STK17A: variants seen among roughly 807,000 people sequenced by gnomAD.
The protein encoded by STK17A is serine/threonine kinase 17a, also known as serine/threonine-protein kinase 17A.
A neutral mutation model predicts 43.7 loss-of-function variants in STK17A; 26 were observed. The observed-to-expected ratio is 0.60, with a 90% CI of 0.44 to 0.83. The LOEUF is 0.83. Among genes scored for constraint, STK17A ranks in the 40% least tolerant of loss-of-function variants. The probability of loss-of-function intolerance (pLI) is 0.00; values close to 1 mark genes in which losing one functional copy is unlikely to be tolerated. For synonymous variants in STK17A, 191 were observed against 182.5 expected, an observed-to-expected ratio of 1.05 and a Z score of -0.38; for missense variants, 476 against 511.6, an observed-to-expected ratio of 0.93 and a Z score of 0.67.
chr7:43,611,859 T>C (rs1472430014), intron 3 of STK17A, among the ~76,000 whole-genome samples: 1 of 152,194 alleles, frequency 6.6e-6, no homozygotes, highest in African/African-American at 2.4e-5. Context: ...ATTGCACCTA[T>C]AGGAAATGAG....
At chr7:43,587,147 G>GTTTTTTTTTTTTTTTTTTTTTT (rs202031785) in intron 1 of STK17A, among the ~76,000 whole-genome samples, 3 of 113,450 alleles carry the variant, frequency 2.6e-5, no homozygotes. Flanking sequence ...TGTTTTTATT[G>GTTTTTTTTTTTTTTTTTTTTTT]TTTTTTGTTT....
At chr7:43,583,924 C>T (rs2152969968) in intron 1 of STK17A, among the ~76,000 whole-genome samples, 1 of 152,288 alleles carries the variant, frequency 6.6e-6, no homozygotes, top group Middle Eastern at 3.4e-3. Context: ...CACCGGCGCT[C>T]TGTTACCTTG....
rs1006539588 is a variant in STK17A, at chr7:43,624,746, G to A, written c.1149G>A (p.Gln383=). Residue 383 remains glutamine (Q), a synonymous_variant, in exon 7 of 7, where the codon CAG becomes CAA. Transcript: ENST00000319357. ...VTSYTLGQCR[Q]SEKEKMEQKA... ...CATATACTCTAGGACAATGCAGACA[G>A]TCTGAAAAAGAGAAAATGGAGCAAA... is the stretch of plus-strand genomic sequence containing the variant. The A allele has an allele frequency of 8.7e-6, 14 of 1,613,788 alleles. No individual in the cohort carries two copies. The highest frequency in any genetic ancestry group is 1.2e-5 in the Non-Finnish European group (14 of 1,179,838).
At chr7:43,622,448 T>C (rs373140245) in intron 4 of STK17A, 1 of 152,314 alleles carries the variant, frequency 6.6e-6, no homozygotes, top group East Asian at 1.9e-4. Context: ...TTCCTTTTTT[T>C]AATTGTAATT....
intron 1 of STK17A, among the ~76,000 whole-genome samples, chr7:43,588,330 T>A (rs998427650): frequency 1.3e-5 from 2 of 151,544 alleles, no homozygotes; most frequent in Non-Finnish European, 3.0e-5. Context: ...ATTTTACAGA[T>A]GAGGAATCCC....
At chr7:43,602,833 G>C (rs1342607159) in intron 2 of STK17A, among the ~76,000 whole-genome samples, 2 of 152,122 alleles carry the variant, frequency 1.3e-5, no homozygotes, top group African/African-American at 2.4e-5. Context: ...AGCTCCAGCT[G>C]CCTGTTGCGT....
At chr7:43,607,802 CTG>C (rs1219706544) in intron 2 of STK17A, among the ~76,000 whole-genome samples, 2 of 152,124 alleles carry the variant, frequency 1.3e-5, no homozygotes, top group Non-Finnish European at 2.9e-5. Flanking sequence ...GATTAAGAAA[CTG>C]TTTCAGCCAA....
At chr7:43,594,199 A>G (rs1167386806) in intron 1 of STK17A, among the ~76,000 whole-genome samples, 2 of 151,660 alleles carry the variant, frequency 1.3e-5, no homozygotes, top group East Asian at 1.9e-4. Context: ...CCAAGGCTGC[A>G]TTGAGCTATG....
At chr7:43,584,571 A>G (rs951985058) in intron 1 of STK17A, among the ~76,000 whole-genome samples, 3 of 152,222 alleles carry the variant, frequency 2.0e-5, no homozygotes, top group Non-Finnish European at 4.4e-5. Context: ...AACAGCCTTC[A>G]GCTGGGGTCT....
intron 3 of STK17A, among the ~76,000 whole-genome samples, chr7:43,611,977 G>A (rs1370224327): frequency 6.6e-6 from 1 of 152,154 alleles, no homozygotes; most frequent in African/African-American, 2.4e-5. Flanking sequence ...TTACTTGAGA[G>A]CATCAAAGGT....
chr7:43,624,931 A>ATCCACTTCC lies in STK17A; in HGVS notation c.*89_*90insTCCACTTCC. The ATCCACTTCC allele has an allele frequency of 8.6e-7, 1 of 1,167,916 alleles. No homozygotes were observed. The highest frequency in any genetic ancestry group is 1.2e-6 in the Non-Finnish European group (1 of 836,800). 72.3% of individuals were successfully genotyped at this position (1,167,916 alleles called of 1,614,324 possible). ...TCTGGCCAAATGGTACATGTACTGG[A>ATCCACTTCC]AGTGGATAACCAGTATCACTTACAC... On this transcript the variant is annotated 3_prime_UTR_variant, in exon 7 of 7. Transcript: ENST00000319357.
chr7:43,618,168 G>A (rs889621150), intron 3 of STK17A, among the ~76,000 whole-genome samples: 1 of 152,190 alleles, frequency 6.6e-6, no homozygotes, highest in Non-Finnish European at 1.5e-5. Context: ...GAACAATAGA[G>A]TAAGCATGCT....
chr7:43,587,478 G>C (rs2082451684), intron 1 of STK17A, among the ~76,000 whole-genome samples: 1 of 151,270 alleles, frequency 6.6e-6, no homozygotes, highest in African/African-American at 2.4e-5. Context: ...GAGCAGTCAG[G>C]GGTAATAGGG....
At chr7:43,594,648 T>C (rs1285488698) in intron 1 of STK17A, among the ~76,000 whole-genome samples, 4 of 152,214 alleles carry the variant, frequency 2.6e-5, no homozygotes, top group Non-Finnish European at 5.9e-5. Flanking sequence ...GTGTGATTAG[T>C]AATATTTATT....
intron 3 of STK17A, among the ~76,000 whole-genome samples, chr7:43,612,519 A>G (rs2082966609): frequency 6.6e-6 from 1 of 152,230 alleles, no homozygotes; most frequent in African/African-American, 2.4e-5. Context: ...AAAGCTAAAT[A>G]TATTATGTTT....
chr7:43,624,638 T>C lies in STK17A; in HGVS notation c.1041T>C (p.His347=). Residue 347 remains histidine, a synonymous_variant, in exon 7 of 7, where the codon CAT becomes CAC. Transcript: ENST00000319357. The part of the protein sequence containing the change: ...LEEANALQEG[H]SVPEINSDTD... ...AAGCAAATGCCCTCCAAGAAGGTCA[T>C]TCTGTGCCTGAAATTAATTCGGATA... is the stretch of plus-strand genomic sequence containing the variant. 1 of 1,614,118 alleles carries C rather than the reference T, an allele frequency of 6.2e-7. No homozygotes were observed. The highest frequency in any genetic ancestry group is 8.5e-7 in the Non-Finnish European group (1 of 1,180,010).
At chr7:43,589,864 A>G (rs2082467029) in intron 1 of STK17A, among the ~76,000 whole-genome samples, 1 of 150,202 alleles carries the variant, frequency 6.7e-6, no homozygotes, top group African/African-American at 2.4e-5. Context: ...ACTCTTCACA[A>G]CACTATTAGA....
At chr7:43,608,234 C>CT (rs751951900) in intron 2 of STK17A, 22 bp from the exon 3 acceptor site, 1 of 1,598,130 alleles carries the variant, frequency 6.3e-7, no homozygotes, top group East Asian at 2.2e-5. Context: ...TTATATATTA[C>CT]TTTAATTTTG....
chr7:43,590,147 C>T (rs4724229), intron 1 of STK17A, among the ~76,000 whole-genome samples: 36,595 of 150,262 alleles, frequency 0.24, 6,116 homozygotes, highest in Non-Finnish European at 0.31. Context: ...GATTTCGCCA[C>T]GTTGCCCAGG....
Sources: allele counts gnomAD v4.1 joint callset (sites outside exome capture counted in the v4.1 genomes callset), GRCh38; gene constraint gnomAD v4.1.1; transcripts MANE v1.5; gene names NCBI Gene and HGNC (gene_info 2026-07-23, HGNC 2026-07-21).